Variants in PDP2 observed in about 807,000 individuals in gnomAD.
PDP2 encodes the protein [Pyruvate dehydrogenase [acetyl-transferring]]-phosphatase 2, mitochondrial.
A neutral mutation model predicts 34.2 loss-of-function variants in PDP2; 23 were observed. The observed-to-expected ratio is 0.67, with a 90% CI of 0.48 to 0.95. PDP2 has a LOEUF of 0.95. Among genes scored for constraint, PDP2 ranks in the 40% least tolerant of loss-of-function variants. The probability of loss-of-function intolerance (pLI) is 0.00; values close to 1 mark genes in which losing one functional copy is unlikely to be tolerated. For synonymous variants in PDP2, 275 were observed against 269.2 expected (o/e 1.02, Z -0.21); for missense variants, 571 against 659.6 (o/e 0.87, Z 1.47).
In PDP2 at chr16:66,886,657, A is replaced by G. The variant is rs1961777974; in HGVS notation, c.*783A>G. On this transcript the variant is annotated 3_prime_UTR_variant, in exon 2 of 2. Transcript: ENST00000311765. ...AGCCATGCTAGGAGGTAACTAGTCT[A>G]TGCCTTAACTCCTGACCTTTCCTGC... The G allele has an allele frequency of 2.5e-6, 1 of 396,710 alleles. No homozygotes were observed. The highest frequency in any genetic ancestry group is 2.8e-5 in the Admixed American group (1 of 35,408). The allele number at this position is 396,710 out of a possible 1,614,324, so 24.6% of individuals were successfully genotyped here. A position where few individuals can be genotyped will look rare whatever the true frequency, so the allele number is the denominator to read the frequency against.
Position 66,885,662 on chromosome 16 carries a change from G to T in PDP2, c.1378G>T (p.Ala460Ser). The change falls in exon 2 of 2, where the codon GCC (alanine) becomes TCC (serine). Residue 460 changes from alanine (A) to serine (S), a missense_variant. Coordinates refer to ENST00000311765, the MANE Select transcript of PDP2 (RefSeq NM_020786.4). The surrounding 1 kb of genome is among the most constrained non-coding windows in gnomAD (Gnocchi z 4.6). ...LMQSLLLQRK[A>S]SGLHEADQNA... ...GCAGAGCCTGCTGCTGCAGAGGAAA[G>T]CCAGCGGGCTCCACGAGGCTGACCA... 6.2e-7 allele frequency: 1 copy of T among 1,614,074 alleles called. No homozygotes were observed. Among genetic ancestry groups the T allele is most frequent in the Non-Finnish European group, 8.5e-7 (1 of 1,179,998 alleles).
intron 1 of PDP2, chr16:66,883,067 G>T (rs1362342737): frequency 6.6e-6 from 1 of 152,158 alleles, no homozygotes. Flanking sequence ...CTAGGCTCAA[G>T]TGATCCTCCC....
Position 66,884,262 on chromosome 16 carries a change from A to ACATTTGCTGG in PDP2, c.-22_-13dup. 1 of 1,504,850 alleles carries ACATTTGCTGG rather than the reference A, an allele frequency of 6.6e-7. No individual in the cohort carries two copies. Among genetic ancestry groups the ACATTTGCTGG allele is most frequent in the Non-Finnish European group, 8.9e-7 (1 of 1,123,226 alleles). 93.2% of individuals were successfully genotyped at this position (1,504,850 alleles called of 1,614,324 possible). A position where few individuals can be genotyped will look rare whatever the true frequency, so the allele number is the denominator to read the frequency against. ...AAATATCCTTTTTTGCTGAAGGAAC[A>ACATTTGCTGG]CATTTGCTGGTATAGTTTCAGAATG... On this transcript the variant is annotated 5_prime_UTR_variant, in exon 2 of 2. Coordinates refer to ENST00000311765, the MANE Select transcript of PDP2 (RefSeq NM_020786.4).
chr16:66,880,896 T>C, intron 1 of PDP2: 1 of 152,418 alleles, frequency 6.6e-6, no homozygotes, highest in Non-Finnish European at 1.5e-5. Flanking sequence ...CTTGGCTGCC[T>C]ACCGGGGCAC....
chr16:66,888,502 A>G lies in PDP2; in HGVS notation c.*2628A>G, dbSNP rs1318179198. ...GAGACAAGGTCTTGCTTTGTCGCCC[A>G]TGCTGGAGTGCAGTGGCATCATTAT... On this transcript the variant is annotated 3_prime_UTR_variant, in exon 2 of 2. Transcript: ENST00000311765. 6.6e-6 allele frequency: 1 copy of G among 152,108 alleles called. No homozygotes were observed. The highest frequency in any genetic ancestry group is 2.4e-5 in the African/African-American group (1 of 41,414). The allele number at this position is 152,108 out of a possible 1,614,324, so 9.4% of individuals were successfully genotyped here. A position where few individuals can be genotyped will look rare whatever the true frequency, so the allele number is the denominator to read the frequency against.
Position 66,884,463 on chromosome 16 carries a change from G to A in PDP2, c.179G>A (p.Cys60Tyr). ...NSSPCGGFTL[C>Y]KAYRHTSTEE... is the part of the protein sequence containing the mutation. ...TCCCCATGTGGTGGCTTTACTCTGT[G>A]CAAAGCCTACAGACACACATCAACA... Residue 60 changes from cysteine to tyrosine, a missense_variant, in exon 2 of 2, where the codon TGC (cysteine) becomes TAC (tyrosine). Physicochemically the swap from Cys to Tyr is radical, Grantham distance 194 (BLOSUM62 -2). Around this residue, in one of 2 missense-constraint regions of PDP2, gnomAD observed 290 missense variants for 283.8 expected, o/e 1.02. Coordinates refer to ENST00000311765, the MANE Select transcript of PDP2 (RefSeq NM_020786.4). The A allele has an allele frequency of 6.2e-7, 1 of 1,614,172 alleles. No homozygotes were observed. The highest frequency in any genetic ancestry group is 8.5e-7 in the Non-Finnish European group (1 of 1,180,034).
rs1315732311 is a variant in PDP2 at position 66,889,846 on chromosome 16, G to A, written c.*3972G>A. 1.3e-5 allele frequency: 2 copies of A among 151,114 alleles called. No individual in the cohort carries two copies. The highest frequency in any genetic ancestry group is 2.9e-5 in the Non-Finnish European group (2 of 67,902). 9.4% of individuals were successfully genotyped at this position (151,114 alleles called of 1,614,324 possible). A position where few individuals can be genotyped will look rare whatever the true frequency, so the allele number is the denominator to read the frequency against. On this transcript the variant is annotated 3_prime_UTR_variant, in exon 2 of 2. Coordinates refer to ENST00000311765, the MANE Select transcript of PDP2 (RefSeq NM_020786.4). ...GGTGTGGCACATGCCTGTAGTCTCAGCTGCTTGGAAGGCTGAAATGAGAGG... is the reference window on the plus strand; with the variant it reads ...GGTGTGGCACATGCCTGTAGTCTCAACTGCTTGGAAGGCTGAAATGAGAGG...
rs1961475136 is a variant in PDP2, at chr16:66,880,657, G to C, written c.-55+17G>C. On this transcript the variant is annotated intron_variant, in intron 1 of 1. Coordinates refer to ENST00000311765, the MANE Select transcript of PDP2 (RefSeq NM_020786.4). ...CGCCAGCTGGTGAGAAGCGGGCGAG[G>C]GTCCGAGGTAGGGAAGGTAACGAGC... The C allele has an allele frequency of 6.6e-6, 1 of 152,386 alleles. No individual in the cohort carries two copies. The highest frequency in any genetic ancestry group is 1.5e-5 in the Non-Finnish European group (1 of 68,198). 9.4% of individuals were successfully genotyped at this position (152,386 alleles called of 1,614,324 possible).
Position 66,887,740 on chromosome 16 carries a change from G to A in PDP2, c.*1866G>A, listed in dbSNP as rs1244594487. The stretch of plus-strand genomic sequence containing the variant: ...GGCCGAGGCGGATGGATCACCTGAG[G>A]TCGGGAATTCGAGACCAGCCTGACC... On this transcript the variant is annotated 3_prime_UTR_variant, in exon 2 of 2. Coordinates refer to ENST00000311765, the MANE Select transcript of PDP2 (RefSeq NM_020786.4). 1 of 165,534 alleles carries A rather than the reference G, an allele frequency of 6.0e-6. No individual in the cohort carries two copies. Among genetic ancestry groups the A allele is most frequent in the African/African-American group, 2.4e-5 (1 of 41,420 alleles). 10.3% of individuals were successfully genotyped at this position (165,534 alleles called of 1,614,324 possible). A position where few individuals can be genotyped will look rare whatever the true frequency, so the allele number is the denominator to read the frequency against.
chr16:66,884,173 CAAA>C (rs575688634), intron 1 of PDP2, 55 bp from the exon 2 acceptor site: 7,096 of 627,398 alleles, frequency 0.011, no homozygotes, highest in Middle Eastern at 0.015. Context: ...GACTACGTCT[CAAA>C]AAAAAAAAAA....
rs1961860954 is a variant in PDP2, at chr16:66,888,066, C to CTT, written c.*2193_*2194insTT. Reference sequence around the variant, plus strand: ...CCTTCCTTCCTTCCTTCCTCTCTCTCTCTTTCTTTCTTTCTTTCCTTCTTG... The same window carrying CTT: ...CCTTCCTTCCTTCCTTCCTCTCTCTCTTTCTTTCTTTCTTTCTTTCCTTCTTG... On this transcript the variant is annotated 3_prime_UTR_variant, in exon 2 of 2. Coordinates refer to ENST00000311765, the MANE Select transcript of PDP2 (RefSeq NM_020786.4). 2 of 122,552 alleles carry CTT rather than the reference C, an allele frequency of 1.6e-5. No individual in the cohort carries two copies. The highest frequency in any genetic ancestry group is 3.3e-4 in the East Asian group (1 of 3,052). The allele number at this position is 122,552 out of a possible 1,614,324, so 7.6% of individuals were successfully genotyped here.
Position 66,884,350 on chromosome 16 carries a change from G to A in PDP2, c.66G>A (p.Gly22=). 1.2e-6 allele frequency: 2 copies of A among 1,613,982 alleles called. No homozygotes were observed. Among genetic ancestry groups the A allele is most frequent in the Non-Finnish European group, 8.5e-7 (1 of 1,179,916 alleles). ...STRNSIATLQ[G]GRRLYSRYVS... is the part of the protein sequence containing the mutation. ...GGAACAGCATTGCCACATTGCAAGG[G>A]GGTAGACGCTTATACTCCAGGTATG... The change falls in exon 2 of 2, where the codon GGG becomes GGA. Residue 22 remains glycine, a synonymous_variant. Coordinates refer to ENST00000311765, the MANE Select transcript of PDP2 (RefSeq NM_020786.4).
At chr16:66,883,871 A>G (rs1383792020) in intron 1 of PDP2, among the ~76,000 whole-genome samples, 1 of 151,986 alleles carries the variant, frequency 6.6e-6, no homozygotes, top group Non-Finnish European at 1.5e-5. Context: ...AGAAGTCAGT[A>G]TTTTTAAGAA....
chr16:66,881,206 C>A (rs1244094067), intron 1 of PDP2, among the ~76,000 whole-genome samples: 1 of 152,128 alleles, frequency 6.6e-6, no homozygotes, highest in African/African-American at 2.4e-5. Flanking sequence ...CCGCTGCCTG[C>A]CTTGACTGCA....
At chr16:66,884,198 T>TAAAA in intron 1 of PDP2, 33 bp from the exon 2 acceptor site, 1 of 1,107,520 alleles carries the variant, frequency 9.0e-7, no homozygotes, top group Non-Finnish European at 1.3e-6. Flanking sequence ...AAAAAAGAAA[T>TAAAA]TAAATTTGAA....
In PDP2 at chr16:66,886,034, A is replaced by G. The variant is rs918475093; in HGVS notation, c.*160A>G. On this transcript the variant is annotated 3_prime_UTR_variant, in exon 2 of 2. Coordinates refer to ENST00000311765, the MANE Select transcript of PDP2 (RefSeq NM_020786.4). ...AAAAAACAAACAGCCTAGCTTTAAA[A>G]AACAGTGAAATAGCAGTGATTTCAT... The G allele has an allele frequency of 5.8e-6, 4 of 684,598 alleles. No individual in the cohort carries two copies. The highest frequency in any genetic ancestry group is 2.9e-5 in the Admixed American group (1 of 34,426). 42.4% of individuals were successfully genotyped at this position (684,598 alleles called of 1,614,324 possible). A position where few individuals can be genotyped will look rare whatever the true frequency, so the allele number is the denominator to read the frequency against.
chr16:66,884,498 G>T lies in PDP2; in HGVS notation c.214G>T (p.Asp72Tyr), dbSNP rs752814849. 31 of 1,614,080 alleles carry T rather than the reference G, an allele frequency of 1.9e-5. No individual in the cohort carries two copies. Among genetic ancestry groups the T allele is most frequent in the Non-Finnish European group, 2.2e-5 (26 of 1,180,042 alleles). Residue 72 changes from aspartate to tyrosine, a missense_variant, in exon 2 of 2, where the codon GAT becomes TAT. By Grantham distance (160) the Asp-to-Tyr change is radical. Transcript: ENST00000311765. ...CAGACACACATCAACAGAGGAAGAT[G>T]ATTTTCACTTGCAACTCAGCCCTGA... is the stretch of plus-strand genomic sequence containing the variant. Reference protein sequence around the residue: ...AYRHTSTEEDDFHLQLSPEQI... With the variant: ...AYRHTSTEEDYFHLQLSPEQI...
chr16:66,885,071 G>T lies in PDP2; in HGVS notation c.787G>T (p.Ala263Ser). ...GACAAGGAACCTGTCACTCCAGGTT[G>T]CTTTCTCTGGGGCAACAGCTTGCAT... ...EVTRNLSLQV[A>S]FSGATACMAH... Residue 263 changes from alanine to serine, a missense_variant, in exon 2 of 2, where the codon GCT becomes TCT. Transcript: ENST00000311765. This position sits in a 1 kb window ranked among gnomAD's most constrained non-coding sequence, Gnocchi z 4.6. 1.2e-6 allele frequency: 2 copies of T among 1,613,890 alleles called. No homozygotes were observed.
chr16:66,882,739 G>A (rs1961576263), intron 1 of PDP2, among the ~76,000 whole-genome samples: 1 of 152,172 alleles, frequency 6.6e-6, no homozygotes, highest in South Asian at 2.1e-4. Context: ...CGGGTACAGG[G>A]CCAGGCACTG....
Sources: gnomAD v4.1 joint callset for allele counts (sites outside exome capture counted in the v4.1 genomes callset) on GRCh38, gnomAD v4.1.1 for gene constraint, gnomAD v4.1.1 regional missense constraint, Gnocchi (gnomAD v3.1) non-coding constraint, MANE v1.5 for transcripts, NCBI Gene and HGNC (gene_info 2026-07-23, HGNC 2026-07-21) for gene names.